SLC5A12: variants seen among roughly 807,000 people sequenced by gnomAD.
The protein encoded by SLC5A12 is solute carrier family 5 member 12.
A neutral mutation model predicts 72.7 loss-of-function variants in SLC5A12; 46 were observed. The ratio of observed to expected loss-of-function variants is 0.63; its 90% CI spans 0.50 to 0.81. SLC5A12 has a LOEUF of 0.81. Ranked by LOEUF, SLC5A12 falls within the 30% of genes least tolerant of loss-of-function variation. The pLI is 0.00. For synonymous variants in SLC5A12, 275 were observed against 264.4 expected, an observed-to-expected ratio of 1.04 and a Z score of -0.39; for missense variants, 683 against 740.7, an observed-to-expected ratio of 0.92 and a Z score of 0.90.
At chr11:26,675,690 G>A (rs1854248515) in intron 13 of SLC5A12, among the ~76,000 whole-genome samples, 2 of 152,108 alleles carry the variant, frequency 1.3e-5, no homozygotes, top group Admixed American at 1.3e-4. Flanking sequence ...CTTCCTCTGA[G>A]CAGAACCAAC....
At chr11:26,706,617 T>C (rs1855095443) in intron 4 of SLC5A12, among the ~76,000 whole-genome samples, 2 of 151,880 alleles carry the variant, frequency 1.3e-5, no homozygotes, top group South Asian at 4.1e-4. Flanking sequence ...ACTATTTTAT[T>C]TAAATGGGTC....
intron 8 of SLC5A12, among the ~76,000 whole-genome samples, chr11:26,696,885 G>A (rs1010688171): frequency 2.0e-5 from 3 of 152,106 alleles, no homozygotes; most frequent in African/African-American, 7.2e-5. Flanking sequence ...AAATTCTTGA[G>A]TCGGGACAGA....
chr11:26,694,161 T>C (rs181541767), intron 8 of SLC5A12, among the ~76,000 whole-genome samples: 43 of 152,302 alleles, frequency 2.8e-4, no homozygotes, highest in African/African-American at 9.9e-4. Flanking sequence ...CTAAGGCTGC[T>C]ACAAGATAGT....
intron 11 of SLC5A12, 73 bp from the exon 12 acceptor site, chr11:26,681,294 T>A: frequency 5.3e-6 from 5 of 951,572 alleles, no homozygotes; most frequent in Non-Finnish European, 7.5e-6. Flanking sequence ...AGATGAGGAG[T>A]TCTATGCCTT....
intron 4 of SLC5A12, among the ~76,000 whole-genome samples, chr11:26,706,863 T>C (rs1410187344): frequency 6.7e-6 from 1 of 150,274 alleles, no homozygotes; most frequent in Non-Finnish European, 1.5e-5. Context: ...TATAAAACAT[T>C]TAATAATATA....
At chr11:26,674,436 A>G (rs1021813199) in intron 13 of SLC5A12, among the ~76,000 whole-genome samples, 14 of 151,868 alleles carry the variant, frequency 9.2e-5, no homozygotes, top group Non-Finnish European at 2.1e-4. Context: ...GTCTCATGCT[A>G]TTGCCCAGGC....
chr11:26,705,026 CA>C, intron 4 of SLC5A12, among the ~76,000 whole-genome samples: 1 of 151,966 alleles, frequency 6.6e-6, no homozygotes, highest in East Asian at 1.9e-4. Context: ...AATGATTAGG[CA>C]AGAGGTTAGA....
At chr11:26,717,071 T>C (rs1855367232) in intron 1 of SLC5A12, among the ~76,000 whole-genome samples, 1 of 152,172 alleles carries the variant, frequency 6.6e-6, no homozygotes, top group Non-Finnish European at 1.5e-5. Flanking sequence ...TGAAATAGTA[T>C]TCAATAATAT....
chr11:26,670,262 A>G lies in SLC5A12; in HGVS notation c.*840T>C, dbSNP rs1854107807. On this transcript the variant is annotated 3_prime_UTR_variant, in exon 15 of 15. Coordinates refer to ENST00000396005, the MANE Select transcript of SLC5A12 (RefSeq NM_178498.4). ...ACAATATTTGCAACGTTCTTTTACC[A>G]AATTCTATCCTAACAACCTTCTATA... 6.6e-6 allele frequency: 1 copy of G among 152,082 alleles called. No homozygotes were observed. The highest frequency in any genetic ancestry group is 2.4e-5 in the African/African-American group (1 of 41,410). The allele number at this position is 152,082 out of a possible 1,614,324, so 9.4% of individuals were successfully genotyped here. A position where few individuals can be genotyped will look rare whatever the true frequency, so the allele number is the denominator to read the frequency against.
At chr11:26,681,309 A>G (rs1251397685) in intron 11 of SLC5A12, 88 bp from the exon 12 acceptor site, 2 of 1,147,052 alleles carry the variant, frequency 1.7e-6, no homozygotes, top group Non-Finnish European at 2.3e-6. Context: ...TGCCTTAGAG[A>G]TTCTGGCTTT....
intron 13 of SLC5A12, among the ~76,000 whole-genome samples, chr11:26,678,041 T>C (rs118177732): frequency 0.011 from 1,618 of 152,246 alleles, 18 homozygotes; most frequent in Non-Finnish European, 0.016. Flanking sequence ...GTAGACACTT[T>C]GCTAAAAATG....
rs1210909948 is a variant in SLC5A12 at position 26,711,369 on chromosome 11, A to C, written c.406-11T>G. The C allele has an allele frequency of 3.1e-6, 5 of 1,609,896 alleles. No individual in the cohort carries two copies. The Admixed American group carries it at 6.7e-5, about 22-fold the overall frequency. ...TCCTGTGTAGAGAATCTGGTAGAGAAACAAGAATCAGATTGGCAGTGAGAA... is the reference window on the plus strand; with the variant it reads ...TCCTGTGTAGAGAATCTGGTAGAGACACAAGAATCAGATTGGCAGTGAGAA... On this transcript the variant is annotated splice_polypyrimidine_tract_variant and intron_variant, in intron 2 of 14. Transcript: ENST00000396005.
intron 14 of SLC5A12, 150 bp downstream of exon 14, chr11:26,673,252 G>A (rs1195831611): frequency 5.1e-5 from 44 of 867,756 alleles, no homozygotes; most frequent in Non-Finnish European, 7.0e-5. Context: ...GATTAGCTGA[G>A]ATAACTCTGA....
At chr11:26,678,841 A>G in intron 12 of SLC5A12, 26 bp from the exon 13 acceptor site, 2 of 1,502,572 alleles carry the variant, frequency 1.3e-6, no homozygotes, top group South Asian at 1.1e-5. Context: ...CATGTCACCA[A>G]TTCCATGCAT....
At chr11:26,680,657 A>G (rs1262665223) in intron 12 of SLC5A12, among the ~76,000 whole-genome samples, 1 of 151,898 alleles carries the variant, frequency 6.6e-6, no homozygotes, top group Non-Finnish European at 1.5e-5. Flanking sequence ...TTTGGTTTAG[A>G]AGCCATAGGT....
intron 9 of SLC5A12, 118 bp from the exon 10 acceptor site, chr11:26,686,662 G>A (rs772901831): frequency 4.8e-5 from 39 of 810,708 alleles, no homozygotes; most frequent in African/African-American, 3.2e-4. Context: ...GGATCTCAGC[G>A]AGGACCATCC....
intron 14 of SLC5A12, among the ~76,000 whole-genome samples, chr11:26,671,712 A>AG (rs2133127163): frequency 6.6e-6 from 1 of 152,244 alleles, no homozygotes; most frequent in African/African-American, 2.4e-5. Flanking sequence ...TAGTGACACA[A>AG]GGAGTGTCCC....
intron 6 of SLC5A12, among the ~76,000 whole-genome samples, chr11:26,702,961 T>A (rs1854994166): frequency 6.6e-6 from 1 of 152,178 alleles, no homozygotes; most frequent in Admixed American, 6.5e-5. Context: ...GTAAGACAAC[T>A]GTACAGCTGT....
chr11:26,721,517 C>T lies in SLC5A12; in HGVS notation c.198G>A (p.Thr66=), dbSNP rs763774969. ...AGACTTCAGAAGGGGTCCCCAGGAC[C>T]GTGACAGCTGACATGAAGCTGGCTG... ...SLTASFMSAV[T]VLGTPSEVYR... The change falls in exon 1 of 15, where the codon ACG becomes ACA. Residue 66 remains threonine (T), a synonymous_variant. Coordinates refer to ENST00000396005, the MANE Select transcript of SLC5A12 (RefSeq NM_178498.4). The T allele has an allele frequency of 1.7e-5, 28 of 1,613,994 alleles. No individual in the cohort carries two copies. The highest frequency in any genetic ancestry group is 2.2e-5 in the East Asian group (1 of 44,872).
Sources: allele counts gnomAD v4.1 joint callset (sites outside exome capture counted in the v4.1 genomes callset), GRCh38; gene constraint gnomAD v4.1.1; transcripts MANE v1.5; gene names NCBI Gene and HGNC (gene_info 2026-07-23, HGNC 2026-07-21).